DRC11: variants seen among roughly 807,000 people sequenced by gnomAD.
DRC11 encodes IQ and AAA domain-containing protein 1.
the DRC11 span, among the ~76,000 whole-genome samples, chr2:236,386,337 A>G: frequency 5.3e-5 from 8 of 151,952 alleles, no homozygotes; most frequent in African/African-American, 1.9e-4. Flanking sequence ...CCACAATTTC[A>G]GCTCCTGTTA....
the DRC11 span, chr2:236,507,454 T>C: frequency 1.6e-6 from 1 of 624,126 alleles, no homozygotes; most frequent in Non-Finnish European, 2.8e-6. Flanking sequence ...AGGCCGGGTT[T>C]GCTTCGCAGG....
At chr2:236,343,617 CG>C in the DRC11 span, 1 of 801,112 alleles carries the variant, frequency 1.2e-6, no homozygotes, top group South Asian at 1.4e-5. This position sits in a 1 kb window ranked among gnomAD's most constrained non-coding sequence, Gnocchi z 6.6. Flanking sequence ...GTGTGTGACA[CG>C]TGAGACGAAA....
the DRC11 span, among the ~76,000 whole-genome samples, chr2:236,506,893 G>T: frequency 6.6e-6 from 1 of 152,178 alleles, no homozygotes; most frequent in Admixed American, 6.5e-5. The surrounding 1 kb of genome is among the most constrained non-coding windows in gnomAD (Gnocchi z 4.9). Flanking sequence ...TTTCCACAAA[G>T]CACCGTATTT....
At chr2:236,347,575 C>T in the DRC11 span, among the ~76,000 whole-genome samples, 1 of 146,320 alleles carries the variant, frequency 6.8e-6, no homozygotes, top group Non-Finnish European at 1.5e-5. Flanking sequence ...ACAGCATTTG[C>T]AATGACCTGG....
At chr2:236,334,015 C>T in the DRC11 span, among the ~76,000 whole-genome samples, 1 of 152,112 alleles carries the variant, frequency 6.6e-6, no homozygotes, top group Middle Eastern at 3.2e-3. This position sits in a 1 kb window ranked among gnomAD's most constrained non-coding sequence, Gnocchi z 7.8. Flanking sequence ...GGTCAAGATT[C>T]CTCTGAATAC....
chr2:236,493,508 A>G, the DRC11 span, among the ~76,000 whole-genome samples: 1 of 152,216 alleles, frequency 6.6e-6, no homozygotes, highest in Non-Finnish European at 1.5e-5. Context: ...TGCGTTGATA[A>G]TCAACAGATA....
the DRC11 span, among the ~76,000 whole-genome samples, chr2:236,489,405 G>A: frequency 2.7e-5 from 4 of 150,576 alleles, no homozygotes; most frequent in African/African-American, 9.8e-5. Context: ...GCCTGTGTGG[G>A]CTCTGGGTGC....
At chr2:236,419,991 G>A in the DRC11 span, among the ~76,000 whole-genome samples, 4 of 152,148 alleles carry the variant, frequency 2.6e-5, no homozygotes, top group African/African-American at 7.2e-5. This position sits in a 1 kb window ranked among gnomAD's most constrained non-coding sequence, Gnocchi z 4.8. Context: ...TGGCCCCCAG[G>A]GCTCTGCTCA....
the DRC11 span, among the ~76,000 whole-genome samples, chr2:236,339,082 A>G: frequency 1.3e-5 from 2 of 152,154 alleles, no homozygotes; most frequent in Non-Finnish European, 2.9e-5. Context: ...GAAGCACACC[A>G]GGGGCAATGG....
At chr2:236,459,570 T>TATAC in the DRC11 span, among the ~76,000 whole-genome samples, 230 of 144,540 alleles carry the variant, frequency 1.6e-3, 2 homozygotes, top group African/African-American at 4.8e-3. Flanking sequence ...CGTATATATG[T>TATAC]GTATACATAC....
the DRC11 span, among the ~76,000 whole-genome samples, chr2:236,494,918 G>A: frequency 6.6e-6 from 1 of 152,152 alleles, no homozygotes; most frequent in African/African-American, 2.4e-5. The surrounding 1 kb of genome is among the most constrained non-coding windows in gnomAD (Gnocchi z 4.2). Flanking sequence ...GGCAGTAGGA[G>A]AAGAATGATG....
At chr2:236,398,860 C>T in the DRC11 span, among the ~76,000 whole-genome samples, 1 of 152,190 alleles carries the variant, frequency 6.6e-6, no homozygotes, top group Admixed American at 6.5e-5. This position sits in a 1 kb window ranked among gnomAD's most constrained non-coding sequence, Gnocchi z 6.2. Context: ...TATGTTTCTT[C>T]CCTGCCACTA....
At chr2:236,499,962 T>C in the DRC11 span, among the ~76,000 whole-genome samples, 1 of 152,174 alleles carries the variant, frequency 6.6e-6, no homozygotes, top group African/African-American at 2.4e-5. The surrounding 1 kb of genome is among the most constrained non-coding windows in gnomAD (Gnocchi z 4.7). Context: ...TCCTCAAACA[T>C]GCTCCATTCT....
At chr2:236,336,100 C>T in the DRC11 span, among the ~76,000 whole-genome samples, 12 of 152,196 alleles carry the variant, frequency 7.9e-5, no homozygotes, top group African/African-American at 2.6e-4. This position sits in a 1 kb window ranked among gnomAD's most constrained non-coding sequence, Gnocchi z 7.3. Flanking sequence ...ATGAAGAAGG[C>T]ACTAGATGGA....
chr2:236,341,459 G>A, the DRC11 span, among the ~76,000 whole-genome samples: 1 of 152,226 alleles, frequency 6.6e-6, no homozygotes, highest in East Asian at 1.9e-4. Context: ...GGTACTTGGA[G>A]TTTGGACTTT....
At chr2:236,357,015 T>TTCA in the DRC11 span, among the ~76,000 whole-genome samples, 4 of 130,902 alleles carry the variant, frequency 3.1e-5, no homozygotes, top group African/African-American at 5.9e-5. Context: ...TATTCATATA[T>TTCA]TATATATCTA....
At chr2:236,311,388 T>G in the DRC11 span, among the ~76,000 whole-genome samples, 1 of 152,186 alleles carries the variant, frequency 6.6e-6, no homozygotes, top group African/African-American at 2.4e-5. The surrounding 1 kb of genome is among the most constrained non-coding windows in gnomAD (Gnocchi z 6.9). Flanking sequence ...TACCAGTTTC[T>G]CCCGATCCCA....
chr2:236,313,364 CAATT>C, the DRC11 span, among the ~76,000 whole-genome samples: 1 of 152,284 alleles, frequency 6.6e-6, no homozygotes, highest in African/African-American at 2.4e-5. This position sits in a 1 kb window ranked among gnomAD's most constrained non-coding sequence, Gnocchi z 4.5. Context: ...ATCAATCAAT[CAATT>C]ATTACATATA....
the DRC11 span, among the ~76,000 whole-genome samples, chr2:236,317,565 G>A: frequency 6.6e-6 from 1 of 152,194 alleles, no homozygotes. This position sits in a 1 kb window ranked among gnomAD's most constrained non-coding sequence, Gnocchi z 5.4. Flanking sequence ...CAAATGGAGA[G>A]GGCAGTGATT....
Sources: gnomAD v4.1 joint callset for allele counts (sites outside exome capture counted in the v4.1 genomes callset) on GRCh38, gnomAD v4.1.1 for gene constraint, Gnocchi (gnomAD v3.1) non-coding constraint, MANE v1.5 for transcripts, NCBI Gene and HGNC (gene_info 2026-07-23, HGNC 2026-07-21) for gene names.